P2RX7: variants seen among roughly 807,000 people sequenced by gnomAD.
P2RX7 encodes P2X purinoceptor 7.
Under a neutral mutation model 71.6 loss-of-function variants are expected in P2RX7, and 62 were observed. The ratio of observed to expected loss-of-function variants is 0.87; its 90% confidence interval spans 0.71 to 1.07. P2RX7 has a LOEUF of 1.07. Among genes scored for constraint, P2RX7 ranks in the 50% least tolerant of loss-of-function variants. The pLI is 0.00. For synonymous variants in P2RX7, 299 were observed against 283.3 expected (o/e 1.06, Z -0.56); for missense variants, 686 against 748.5 (o/e 0.92, Z 0.97).
In P2RX7 at chr12:121,161,418, TTTGA is replaced by T. The variant is rs368581613; in HGVS notation, c.436+447_436+450del. Among the ~76,000 whole-genome samples the T allele has an allele frequency of 1.3e-3, 202 of 152,318 alleles. 1 individual carries two copies. Among genetic ancestry groups the T allele is most frequent in the African/African-American group, 4.6e-3 (193 of 41,564 alleles). ...ATTTTTTGCACTGTTTTATTTTGATTTTGATTTTGATTTTATTTATATCTAAGTG... is the reference window on the plus strand; with the variant it reads ...ATTTTTTGCACTGTTTTATTTTGATTTTTTGATTTTATTTATATCTAAGTG... On this transcript the variant is annotated intron_variant, in intron 4 of 12. Coordinates refer to ENST00000328963, the MANE Select transcript of P2RX7 (RefSeq NM_002562.6).
At chr12:121,152,683 T>A (rs1329746924) in intron 1 of P2RX7, among the ~76,000 whole-genome samples, 1 of 152,132 alleles carries the variant, frequency 6.6e-6, no homozygotes, top group Admixed American at 6.5e-5. Context: ...CCGTACCCAG[T>A]TAATTTTTAT....
intron 6 of P2RX7, 30 bp from the exon 7 acceptor site, chr12:121,166,028 G>A (rs1222947074): frequency 6.2e-7 from 1 of 1,602,618 alleles, no homozygotes; most frequent in Non-Finnish European, 8.5e-7. Flanking sequence ...CGAGATGTTT[G>A]TTTGTTTGTT....
chr12:121,169,178 G>A (rs1246844307), intron 8 of P2RX7, among the ~76,000 whole-genome samples: 1 of 152,116 alleles, frequency 6.6e-6, no homozygotes, highest in African/African-American at 2.4e-5. Flanking sequence ...ATATTGCCCA[G>A]GCTGGTCTCA....
At position 121,149,483 on chromosome 12, in the gene P2RX7, G is replaced by A. The variant is rs1012579979; in HGVS notation, c.126-5302G>A. On this transcript the variant is annotated intron_variant, in intron 1 of 12. Transcript: ENST00000328963. The surrounding 1 kb of genome is among the most constrained non-coding windows in gnomAD (Gnocchi z 4.7). ...TCTTACATGGTGGCAGGCAAAAAGT[G>A]AATGACAACCAAGCAAAAGAAGAAA... Among the ~76,000 whole-genome samples, 27 of 152,284 alleles carry A rather than the reference G, an allele frequency of 1.8e-4. No individual in the cohort carries two copies. The highest frequency in any genetic ancestry group is 5.1e-4 in the African/African-American group (21 of 41,548).
At chr12:121,168,389 C>A (rs1317048737) in intron 8 of P2RX7, among the ~76,000 whole-genome samples, 1 of 152,014 alleles carries the variant, frequency 6.6e-6, no homozygotes, top group Non-Finnish European at 1.5e-5. Context: ...ATCCTCCCAC[C>A]TCCCAAGTTT....
intron 3 of P2RX7, among the ~76,000 whole-genome samples, chr12:121,156,945 GGAGTTCAAGACCAGCCTGGGCAACATAGT>G (rs1404793970): frequency 6.6e-6 from 1 of 152,178 alleles, no homozygotes; most frequent in African/African-American, 2.4e-5. Context: ...CTGGAGCCCA[GGAGTTCAAGACCAGCCTGGGCAACATAGT>G]GAGACCTTGT....
chr12:121,160,745 C>T (rs945047734), intron 3 of P2RX7, among the ~76,000 whole-genome samples, 157 bp from the exon 4 acceptor site: 2 of 152,170 alleles, frequency 1.3e-5, no homozygotes, highest in African/African-American at 2.4e-5. Flanking sequence ...TCCATTCATC[C>T]GTCAGTGGCC....
At chr12:121,155,236 C>T (rs758948822) in intron 2 of P2RX7, 2 of 1,378,226 alleles carry the variant, frequency 1.5e-6, no homozygotes, top group East Asian at 3.9e-5. Context: ...TTACCCGCAG[C>T]TTTTTAGACG....
intron 11 of P2RX7, 69 bp from the exon 12 acceptor site, chr12:121,180,285 G>T: frequency 1.3e-6 from 1 of 791,408 alleles, no homozygotes; most frequent in Non-Finnish European, 2.0e-6. Context: ...AATTACAGTT[G>T]CCTTTAGATA....
chr12:121,162,373 T>C lies in P2RX7; in HGVS notation c.437-51T>C, dbSNP rs780167258. The C allele has an allele frequency of 5.0e-6, 8 of 1,607,888 alleles. No homozygotes were observed. In the East Asian group the frequency reaches 1.3e-4, roughly 27 times the overall value. ...ATGATGTCCCTCCTGGAGAACGTCC[T>C]CTCCGCAGTTCTTTCACATCTGTGG... On this transcript the variant is annotated intron_variant, in intron 4 of 12. Coordinates refer to ENST00000328963, the MANE Select transcript of P2RX7 (RefSeq NM_002562.6).
At chr12:121,142,249 A>G (rs1178716383) in intron 1 of P2RX7, among the ~76,000 whole-genome samples, 1 of 152,152 alleles carries the variant, frequency 6.6e-6, no homozygotes, top group Non-Finnish European at 1.5e-5. Flanking sequence ...CTCTGGGGAA[A>G]ATTCACTTCC....
chr12:121,160,696 A>G (rs1879496193), intron 3 of P2RX7, among the ~76,000 whole-genome samples: 1 of 152,210 alleles, frequency 6.6e-6, no homozygotes, highest in Non-Finnish European at 1.5e-5. Context: ...TCTTATGGCT[A>G]AATAAGATTC....
Position 121,180,404 on chromosome 12 carries a change from C to A in P2RX7, c.1239C>A (p.Asn413Lys). The A allele has an allele frequency of 6.2e-7, 1 of 1,607,068 alleles. No individual in the cohort carries two copies. The highest frequency in any genetic ancestry group is 8.5e-7 in the Non-Finnish European group (1 of 1,176,352). ...FVDESHIRMV[N>K]QQLLGRSLQD... ...ATGAATCCCACATTAGGATGGTGAA[C>A]CAGCAGCTACTAGGGAGAAGTCTGC... Residue 413 changes from asparagine to lysine, a missense_variant, in exon 12 of 13, where the codon AAC becomes AAA. Physicochemically the swap from Asn to Lys is moderately conservative, Grantham distance 94 (BLOSUM62 0). Transcript: ENST00000328963.
Position 121,165,364 on chromosome 12 carries a change from CT to C in P2RX7, c.542del (p.Leu181ProfsTer2). ...EAVEEAPRPA[L>X]LNSAENFTVL... ...TGCATGTCTCTCTCCCAGGCCTGCT[CT>C]CTTGAACAGTGCCGAAAACTTCACT... is the stretch of plus-strand genomic sequence containing the variant. On this transcript the variant is annotated frameshift_variant, in exon 6 of 13. Coordinates refer to ENST00000328963, the MANE Select transcript of P2RX7 (RefSeq NM_002562.6). LOFTEE classifies it high-confidence loss of function. 6.2e-7 allele frequency: 1 copy of C among 1,614,018 alleles called. No individual in the cohort carries two copies. Among genetic ancestry groups the C allele is most frequent in the Non-Finnish European group, 8.5e-7 (1 of 1,179,890 alleles).
chr12:121,142,952 G>A (rs563921349), intron 1 of P2RX7, among the ~76,000 whole-genome samples: 22 of 151,334 alleles, frequency 1.5e-4, no homozygotes, highest in South Asian at 2.1e-4. Context: ...AGCTGGGCGC[G>A]CACCTGTAGT....
At chr12:121,135,886 C>T (rs1372223239) in intron 1 of P2RX7, among the ~76,000 whole-genome samples, 1 of 149,152 alleles carries the variant, frequency 6.7e-6, no homozygotes, top group Non-Finnish European at 1.5e-5. Context: ...TGCCTGTAAT[C>T]CCAGCTACTC....
In P2RX7 at chr12:121,156,743, G is replaced by T. The variant is rs368703228; in HGVS notation, c.363+596G>T. 2.3e-3 allele frequency among the ~76,000 whole-genome samples: 350 copies of T among 152,210 alleles called. 2 individuals carry two copies. The highest frequency in any genetic ancestry group is 7.9e-3 in the African/African-American group (327 of 41,530). On this transcript the variant is annotated intron_variant, in intron 3 of 12. Coordinates refer to ENST00000328963, the MANE Select transcript of P2RX7 (RefSeq NM_002562.6). The stretch of plus-strand genomic sequence containing the variant: ...CTTAGAGTCTCAGCCTCTCCATCAC[G>T]TGCATGTGCCCCCATGACTCCCTGC...
chr12:121,138,619 G>A (rs1325966039), intron 1 of P2RX7, among the ~76,000 whole-genome samples: 1 of 152,254 alleles, frequency 6.6e-6, no homozygotes, highest in Non-Finnish European at 1.5e-5. Context: ...AAGGAAGTGG[G>A]GAGGGTAGGC....
At chr12:121,136,246 C>T (rs548311456) in intron 1 of P2RX7, among the ~76,000 whole-genome samples, 23 of 151,282 alleles carry the variant, frequency 1.5e-4, no homozygotes, top group Middle Eastern at 3.2e-3. Context: ...TGCATTAATA[C>T]GTAGATTGTA....
Sources: gnomAD v4.1 joint callset for allele counts (sites outside exome capture counted in the v4.1 genomes callset) on GRCh38, gnomAD v4.1.1 for gene constraint, Gnocchi (gnomAD v3.1) non-coding constraint, MANE v1.5 for transcripts, NCBI Gene and HGNC (gene_info 2026-07-23, HGNC 2026-07-21) for gene names.